ATG13: variants seen among roughly 807,000 people sequenced by gnomAD.
ATG13 encodes the protein autophagy-related protein 13.
ATG13 carries 23 observed loss-of-function variants against 65.5 expected under a neutral mutation model. The observed-to-expected ratio is 0.35, with a 90% CI of 0.25 to 0.50. The LOEUF is 0.50. Among genes scored for constraint, ATG13 ranks in the 20% least tolerant of loss-of-function variants. ATG13 has a pLI of 0.98. For missense variants in ATG13, 566 were observed against 677.0 expected (o/e 0.84, Z 1.82); for synonymous variants, 252 against 245.2 (o/e 1.03, Z -0.26).
At chr11:46,671,311 C>G (rs943996403) in intron 18 of ATG13, among the ~76,000 whole-genome samples, 2 of 152,212 alleles carry the variant, frequency 1.3e-5, no homozygotes, top group African/African-American at 2.4e-5. Flanking sequence ...ATTTAGTCAT[C>G]AGTAGAGACG....
intron 12 of ATG13, 36 bp from the exon 13 acceptor site, chr11:46,664,813 C>T (rs1565605584): frequency 7.0e-6 from 11 of 1,577,494 alleles, no homozygotes; most frequent in Admixed American, 3.5e-5. Flanking sequence ...TTTTCCTTGC[C>T]TTTCCTTTTC....
intron 11 of ATG13, 126 bp downstream of exon 11, chr11:46,659,611 T>G (rs1268456079): frequency 8.4e-6 from 6 of 717,172 alleles, no homozygotes; most frequent in Non-Finnish European, 1.4e-5. Flanking sequence ...AGGGGTTACT[T>G]TGAGGGGTAA....
In ATG13 at chr11:46,621,379, A is replaced by G. The variant is rs140684272; in HGVS notation, c.-70+3489A>G. 6.6e-5 allele frequency among the ~76,000 whole-genome samples: 10 copies of G among 152,274 alleles called. 2 individuals carry two copies. The highest frequency in any genetic ancestry group is 2.4e-4 in the African/African-American group (10 of 41,552). On this transcript the variant is annotated intron_variant, in intron 1 of 18. Transcript: ENST00000683050. ...CATGAAGTCTGTAGTTTATAAAATGATGAATTTGTCTACTTCAGAGTTAGG... is the reference window on the plus strand; with the variant it reads ...CATGAAGTCTGTAGTTTATAAAATGGTGAATTTGTCTACTTCAGAGTTAGG...
At chr11:46,659,516 A>T (rs1035166272) in intron 11 of ATG13, 31 bp downstream of exon 11, 1 of 1,549,628 alleles carries the variant, frequency 6.5e-7, no homozygotes, top group Non-Finnish European at 8.9e-7. Context: ...GGGTGGTGGT[A>T]GTTATTTGGT....
At chr11:46,654,808 C>T (rs1054982426) in intron 7 of ATG13, among the ~76,000 whole-genome samples, 4 of 150,690 alleles carry the variant, frequency 2.7e-5, no homozygotes, top group Middle Eastern at 3.5e-3. Flanking sequence ...TTAAAAAACC[C>T]GAAAAACAGG....
intron 14 of ATG13, among the ~76,000 whole-genome samples, chr11:46,667,171 G>A (rs2062563577): frequency 6.6e-6 from 1 of 152,174 alleles, no homozygotes; most frequent in South Asian, 2.1e-4. Flanking sequence ...CTGGAGTCCA[G>A]GGGCCACTTG....
rs2062951008 is a variant in ATG13 at position 46,668,590 on chromosome 11, T to C, written c.1329+14T>C. 1 of 1,611,438 alleles carries C rather than the reference T, an allele frequency of 6.2e-7. No homozygotes were observed. The highest frequency in any genetic ancestry group is 1.7e-5 in the Admixed American group (1 of 60,006). ...ACCGATCCAATGGTGAGCCCACCGT[T>C]GACTACGAGTTCCCAGTAGATGGTG... On this transcript the variant is annotated intron_variant, in intron 16 of 18. Transcript: ENST00000683050.
At position 46,645,957 on chromosome 11, in the gene ATG13, A is replaced by ATG. The variant is rs1223704771; in HGVS notation, c.245_246dup (p.Glu83TrpfsTer22). On this transcript the variant is annotated frameshift_variant, in exon 5 of 19. Coordinates refer to ENST00000683050, the MANE Select transcript of ATG13 (RefSeq NM_001346311.2). LOFTEE classifies it high-confidence loss of function. The stretch of plus-strand genomic sequence containing the variant: ...ACAGCTGCCTGCAGTCGGGAGGTCC[A>ATG]TGTGTGTGGAGATTTCACTTAAGAC... The ATG allele has an allele frequency of 1.2e-6, 2 of 1,614,078 alleles. No individual in the cohort carries two copies. The highest frequency in any genetic ancestry group is 1.7e-6 in the Non-Finnish European group (2 of 1,180,020).
intron 7 of ATG13, among the ~76,000 whole-genome samples, chr11:46,654,283 T>A (rs12294617): frequency 0.011 from 1,337 of 122,106 alleles, 53 homozygotes; most frequent in African/African-American, 0.039. Context: ...TTTTAAAATT[T>A]TATATATATA....
At chr11:46,667,946 C>T (rs1301269227) in intron 15 of ATG13, 59 bp downstream of exon 15, 2 of 1,386,348 alleles carry the variant, frequency 1.4e-6, no homozygotes, top group Non-Finnish European at 2.0e-6. Flanking sequence ...TAAGGCCCCA[C>T]AGGCAGTTTT....
intron 2 of ATG13, among the ~76,000 whole-genome samples, chr11:46,637,090 T>G (rs940812037): frequency 2.6e-4 from 40 of 152,158 alleles, no homozygotes; most frequent in Admixed American, 2.6e-3. Context: ...TAAGGGGTAT[T>G]AAGGAGTGGC....
At chr11:46,656,618 A>G (rs879476684) in intron 8 of ATG13, among the ~76,000 whole-genome samples, 2 of 152,238 alleles carry the variant, frequency 1.3e-5, no homozygotes, top group African/African-American at 4.8e-5. Context: ...GCTTTGTTGA[A>G]AGTGTCACTT....
chr11:46,651,475 T>G (rs1271511470), intron 7 of ATG13, among the ~76,000 whole-genome samples: 2 of 151,756 alleles, frequency 1.3e-5, no homozygotes, highest in East Asian at 3.9e-4. Flanking sequence ...TGAACCAGAG[T>G]GGTGGAGTAG....
chr11:46,632,166 T>A (rs999755215), intron 2 of ATG13, among the ~76,000 whole-genome samples: 1 of 151,870 alleles, frequency 6.6e-6, no homozygotes, highest in Non-Finnish European at 1.5e-5. Flanking sequence ...ATAGCAATAT[T>A]TGTGGGAACA....
At chr11:46,663,915 GTTTC>G in intron 11 of ATG13, 78 bp from the exon 12 acceptor site, 1 of 1,065,752 alleles carries the variant, frequency 9.4e-7, no homozygotes, top group Non-Finnish European at 1.3e-6. Context: ...CCCTTCCAGA[GTTTC>G]TTCACTTCTT....
intron 2 of ATG13, among the ~76,000 whole-genome samples, chr11:46,633,945 C>T (rs761234668): frequency 3.3e-5 from 5 of 152,104 alleles, no homozygotes; most frequent in Non-Finnish European, 7.4e-5. Flanking sequence ...TTTTTAGTTT[C>T]CTAAGCCTGA....
intron 1 of ATG13, chr11:46,625,174 A>G (rs2049057463): frequency 6.6e-6 from 1 of 151,894 alleles, no homozygotes; most frequent in Non-Finnish European, 1.5e-5. Flanking sequence ...CCAAAAAAAA[A>G]AAAGAAAAAT....
chr11:46,617,951 G>T, intron 1 of ATG13, 61 bp downstream of exon 1: 1 of 399,094 alleles, frequency 2.5e-6, no homozygotes, highest in Non-Finnish European at 4.4e-6. Context: ...GGAGGCTGTG[G>T]ATCTGCGGCC....
At chr11:46,631,406 G>T (rs2135929437) in intron 2 of ATG13, among the ~76,000 whole-genome samples, 1 of 152,278 alleles carries the variant, frequency 6.6e-6, no homozygotes, top group South Asian at 2.1e-4. Context: ...AAAAGATGTA[G>T]AGAACTTGCT....
Sources: gnomAD v4.1 joint callset for allele counts (sites outside exome capture counted in the v4.1 genomes callset) on GRCh38, gnomAD v4.1.1 for gene constraint, MANE v1.5 for transcripts, NCBI Gene and HGNC (gene_info 2026-07-23, HGNC 2026-07-21) for gene names.